ASTN1: variants seen among roughly 807,000 people sequenced by gnomAD.
ASTN1 encodes the protein astrotactin-1.
In ASTN1, 41 loss-of-function variants were observed where a neutral mutation model predicts 140.7. The ratio of observed to expected loss-of-function variants is 0.29; its 90% CI spans 0.23 to 0.38. The LOEUF (loss-of-function observed/expected upper bound fraction) is 0.38. Among genes scored for constraint, ASTN1 ranks in the 10% least tolerant of loss-of-function variants. ASTN1 has a pLI of 1.00. For missense variants in ASTN1, 1,479 were observed against 1,678.8 expected (o/e 0.88, Z 2.08); for synonymous variants, 640 against 652.2 (o/e 0.98, Z 0.29).
At chr1:177,107,016 T>C (rs1257691290) in intron 1 of ASTN1, among the ~76,000 whole-genome samples, 1 of 152,104 alleles carries the variant, frequency 6.6e-6, no homozygotes, top group Non-Finnish European at 1.5e-5. Context: ...GGGTGGACCA[T>C]CCCACTGCCT....
chr1:176,988,548 A>G (rs1197726729), intron 8 of ASTN1, among the ~76,000 whole-genome samples: 1 of 152,216 alleles, frequency 6.6e-6, no homozygotes, highest in Non-Finnish European at 1.5e-5. Context: ...CCTACATTCT[A>G]TCCAAACATA....
intron 1 of ASTN1, among the ~76,000 whole-genome samples, chr1:177,105,365 C>A (rs74127297): frequency 0.013 from 2,034 of 152,164 alleles, 37 homozygotes; most frequent in African/African-American, 0.045. Context: ...AAAGTGAAAA[C>A]CTTGGTATGA....
intron 1 of ASTN1, among the ~76,000 whole-genome samples, chr1:177,079,899 A>G (rs1679094731): frequency 6.6e-6 from 1 of 152,168 alleles, no homozygotes; most frequent in Non-Finnish European, 1.5e-5. Flanking sequence ...CTCAAAATTC[A>G]GAAAAAAAAT....
chr1:177,028,633 C>G (rs1483072589), intron 5 of ASTN1, among the ~76,000 whole-genome samples: 1 of 152,180 alleles, frequency 6.6e-6, no homozygotes, highest in Non-Finnish European at 1.5e-5. Context: ...CAAATATCCT[C>G]TACTGTATCT....
chr1:176,863,896 A>G lies in ASTN1; in HGVS notation c.*388T>C. ...GGCCTCACCTCTGCTCCCAGTTGCA[A>G]TGGATTTAGGAACTGAGTGAGCACA... On this transcript the variant is annotated 3_prime_UTR_variant, in exon 23 of 23. Transcript: ENST00000361833. The G allele has an allele frequency of 9.9e-7, 1 of 1,014,964 alleles. No individual in the cohort carries two copies. The highest frequency in any genetic ancestry group is 4.0e-5 in the South Asian group (1 of 25,192). The allele number at this position is 1,014,964 out of a possible 1,614,324, so 62.9% of individuals were successfully genotyped here. A position where few individuals can be genotyped will look rare whatever the true frequency, so the allele number is the denominator to read the frequency against.
At chr1:176,930,432 C>T (rs979494775) in intron 16 of ASTN1, among the ~76,000 whole-genome samples, 7 of 152,092 alleles carry the variant, frequency 4.6e-5, no homozygotes, top group Non-Finnish European at 7.3e-5. Context: ...AAAAGGACAG[C>T]GCCCAGCAGT....
chr1:177,133,248 G>A (rs1446020042), intron 1 of ASTN1, among the ~76,000 whole-genome samples: 1 of 152,154 alleles, frequency 6.6e-6, no homozygotes, highest in Non-Finnish European at 1.5e-5. Flanking sequence ...ACTTCTCAGA[G>A]GTCAAAAGAA....
chr1:176,885,168 T>C (rs1445131598), intron 18 of ASTN1, among the ~76,000 whole-genome samples: 1 of 152,198 alleles, frequency 6.6e-6, no homozygotes, highest in Non-Finnish European at 1.5e-5. Flanking sequence ...CTTGCCCAGA[T>C]TCTGATTTCA....
chr1:177,032,484 A>C lies in ASTN1; in HGVS notation c.837T>G (p.Asn279Lys). The C allele has an allele frequency of 1.9e-6, 3 of 1,613,960 alleles. No homozygotes were observed. The highest frequency in any genetic ancestry group is 2.5e-6 in the Non-Finnish European group (3 of 1,179,980). The change falls in exon 3 of 23, where the codon AAT becomes AAG. Residue 279 changes from asparagine to lysine, a missense_variant. This residue lies in a region of ASTN1 where 729 missense variants were observed against 860.4 expected (regional missense o/e 0.85). Transcript: ENST00000361833. ...GTGTGAGGTCCATCCCCGACTTTTCATTGCAGCCCTGCAGGGAGTCGAGGG... is the reference window on the plus strand; with the variant it reads ...GTGTGAGGTCCATCCCCGACTTTTCCTTGCAGCCCTGCAGGGAGTCGAGGG... ...TRTLDSLQGC[N>K]EKSGMDLTPG...
intron 1 of ASTN1, among the ~76,000 whole-genome samples, chr1:177,082,916 A>G (rs534747572): frequency 6.6e-6 from 1 of 152,298 alleles, no homozygotes; most frequent in African/African-American, 2.4e-5. Context: ...TCAATGCACA[A>G]TATTTCCTAT....
chr1:177,026,174 G>A (rs1676101134), intron 5 of ASTN1, among the ~76,000 whole-genome samples: 1 of 152,120 alleles, frequency 6.6e-6, no homozygotes. Flanking sequence ...GAGACTTGAG[G>A]GCAGAAGGTA....
intron 22 of ASTN1, among the ~76,000 whole-genome samples, chr1:176,866,703 C>G (rs1668137007): frequency 6.6e-6 from 1 of 152,168 alleles, no homozygotes; most frequent in African/African-American, 2.4e-5. Context: ...GAGCCTGTGA[C>G]TTCCTTTCTA....
At chr1:176,971,048 G>A (rs1263828633) in intron 8 of ASTN1, among the ~76,000 whole-genome samples, 1 of 151,974 alleles carries the variant, frequency 6.6e-6, no homozygotes, top group Non-Finnish European at 1.5e-5. Context: ...TCCCAGTATG[G>A]GATATTATAT....
intron 8 of ASTN1, among the ~76,000 whole-genome samples, chr1:177,009,882 T>G (rs1056696981): frequency 6.6e-6 from 1 of 152,218 alleles, no homozygotes; most frequent in African/African-American, 2.4e-5. Flanking sequence ...ATATTTTATA[T>G]CTCTCTAGTG....
rs1331001126 is a variant in ASTN1 at position 177,023,510 on chromosome 1, G to A, written c.1332C>T (p.Ala444=). 1 of 1,611,514 alleles carries A rather than the reference G, an allele frequency of 6.2e-7. No homozygotes were observed. The highest frequency in any genetic ancestry group is 1.1e-5 in the South Asian group (1 of 90,774). The part of the protein sequence containing the change: ...QLDASDWLNP[A]QVVLFSQQNS... ...TCTGCTGAGAGAAGAGAACCACTTG[G>A]GCAGGGTTCAGCCAGTCACTGGCAT... is the stretch of plus-strand genomic sequence containing the variant. Residue 444 remains alanine (A), a synonymous_variant, in exon 7 of 23, where the codon GCC becomes GCT. Coordinates refer to ENST00000361833, the MANE Select transcript of ASTN1 (RefSeq NM_004319.3).
At chr1:176,865,766 CAAAAG>C (rs912120267) in intron 22 of ASTN1, among the ~76,000 whole-genome samples, 5 of 152,156 alleles carry the variant, frequency 3.3e-5, no homozygotes, top group Admixed American at 6.5e-5. Flanking sequence ...GGGCAATTTA[CAAAAG>C]AAAGGTTTAA....
At chr1:177,051,951 T>C (rs1266473338) in intron 2 of ASTN1, among the ~76,000 whole-genome samples, 2 of 152,180 alleles carry the variant, frequency 1.3e-5, no homozygotes, top group African/African-American at 4.8e-5. Context: ...TCCAGAGAAG[T>C]TGGAGCTGAA....
At chr1:176,910,359 A>T (rs1398289242) in intron 16 of ASTN1, among the ~76,000 whole-genome samples, 1 of 152,282 alleles carries the variant, frequency 6.6e-6, no homozygotes, top group East Asian at 1.9e-4. Flanking sequence ...TCCATCAAAA[A>T]GTTTGTTGAC....
rs1668033704 is a variant in ASTN1, at chr1:176,863,506, C to T, written c.*778G>A. On this transcript the variant is annotated 3_prime_UTR_variant, in exon 23 of 23. Coordinates refer to ENST00000361833, the MANE Select transcript of ASTN1 (RefSeq NM_004319.3). The stretch of plus-strand genomic sequence containing the variant: ...TTGAATGTGGACTGCTAACTAGTCT[C>T]CCAGGTAGACTTTTCTGAAGGTGCA... 2 of 985,432 alleles carry T rather than the reference C, an allele frequency of 2.0e-6. No homozygotes were observed. Among genetic ancestry groups the T allele is most frequent in the Non-Finnish European group, 2.4e-6 (2 of 829,842 alleles). The allele number at this position is 985,432 out of a possible 1,614,324, so 61.0% of individuals were successfully genotyped here. A position where few individuals can be genotyped will look rare whatever the true frequency, so the allele number is the denominator to read the frequency against.
Sources: gnomAD v4.1 joint callset for allele counts (sites outside exome capture counted in the v4.1 genomes callset) on GRCh38, gnomAD v4.1.1 for gene constraint, gnomAD v4.1.1 regional missense constraint, MANE v1.5 for transcripts, NCBI Gene and HGNC (gene_info 2026-07-23, HGNC 2026-07-21) for gene names.